The following AGPAT4 variants were observed in gnomAD, a reference collection of about 807,000 sequenced individuals.
AGPAT4 encodes the protein 1-acylglycerol-3-phosphate O-acyltransferase 4.
AGPAT4 carries 15 observed loss-of-function variants against 48.0 expected under a neutral mutation model. The observed-to-expected ratio is 0.31, with a 90% CI of 0.21 to 0.48. The LOEUF is 0.48. AGPAT4 is among the 20% of genes least tolerant of loss of function. The pLI is 0.99. For synonymous variants in AGPAT4, 178 were observed against 198.7 expected (o/e 0.90, Z 0.88); for missense variants, 314 against 482.5 (o/e 0.65, Z 3.27).
In AGPAT4 at chr6:161,137,016, T is replaced by TAAAG. The variant is rs1380691694; in HGVS notation, c.1043-386_1043-383dup. On this transcript the variant is annotated intron_variant, in intron 8 of 8. Coordinates refer to ENST00000320285, the MANE Select transcript of AGPAT4 (RefSeq NM_020133.3). The surrounding 1 kb of genome is among the most constrained non-coding windows in gnomAD (Gnocchi z 6.1). ...ACAGGGCATGTTCAGCGAAGTTTTATAAAGAACAGACCAGGAGCCTGGAAG... is the reference window on the plus strand; with the variant it reads ...ACAGGGCATGTTCAGCGAAGTTTTATAAAGAAAGAACAGACCAGGAGCCTGGAAG... 6.6e-6 allele frequency among the ~76,000 whole-genome samples: 1 copy of TAAAG among 152,198 alleles called. No homozygotes were observed. Among genetic ancestry groups the TAAAG allele is most frequent in the African/African-American group, 2.4e-5 (1 of 41,446 alleles).
intron 1 of AGPAT4, among the ~76,000 whole-genome samples, chr6:161,260,800 GCTCA>G (rs1220026536): frequency 6.6e-6 from 1 of 152,080 alleles, no homozygotes; most frequent in Non-Finnish European, 1.5e-5. Context: ...GAGGCAGGTG[GCTCA>G]CTTGAGCCAG....
Position 161,202,881 on chromosome 6 carries a change from G to A in AGPAT4, c.178+29155C>T, listed in dbSNP as rs1484289104. The stretch of plus-strand genomic sequence containing the variant: ...AGCTGTCTGCCATGGGGAAGCCTGG[G>A]CTATATGGATAGGTTACTCCAGTTG... On this transcript the variant is annotated intron_variant, in intron 2 of 8. Transcript: ENST00000320285. The surrounding 1 kb of genome is among the most constrained non-coding windows in gnomAD (Gnocchi z 5.4). Among the ~76,000 whole-genome samples, 2 of 152,294 alleles carry A rather than the reference G, an allele frequency of 1.3e-5. No individual in the cohort carries two copies. Among genetic ancestry groups the A allele is most frequent in the Admixed American group, 1.3e-4 (2 of 15,302 alleles).
In AGPAT4 at chr6:161,244,142, CTG is replaced by C. The variant is rs1782581071; in HGVS notation, c.-89-11842_-89-11841del. On this transcript the variant is annotated intron_variant, in intron 1 of 8. Transcript: ENST00000320285. This position sits in a 1 kb window ranked among gnomAD's most constrained non-coding sequence, Gnocchi z 4.7. ...TCACTTTGGTGCTCTCTGAATGTAC[CTG>C]TGTTTTCCTGATCTCAAACAGACAT... 6.6e-6 allele frequency among the ~76,000 whole-genome samples: 1 copy of C among 152,296 alleles called. No individual in the cohort carries two copies. Among genetic ancestry groups the C allele is most frequent in the South Asian group, 2.1e-4 (1 of 4,820 alleles).
chr6:161,269,113 C>T (rs936849613), intron 1 of AGPAT4, among the ~76,000 whole-genome samples: 1 of 152,108 alleles, frequency 6.6e-6, no homozygotes, highest in African/African-American at 2.4e-5. Flanking sequence ...AAATGCTATA[C>T]TTTGAGTCGA....
chr6:161,152,622 G>A (rs1298848823), intron 5 of AGPAT4, among the ~76,000 whole-genome samples: 2 of 152,160 alleles, frequency 1.3e-5, no homozygotes, highest in Admixed American at 1.3e-4. Flanking sequence ...GAGACAAGAG[G>A]ATAAGGCCGA....
At position 161,232,300 on chromosome 6, in the gene AGPAT4, C is replaced by T; in HGVS notation, c.-87G>A. ...AAGAAAGATCCAGGACTCAGGAAGG[C>T]GTCTAAAACACAAACAAATAGGAAA... On this transcript the variant is annotated splice_region_variant and 5_prime_UTR_variant, in exon 2 of 9. Coordinates refer to ENST00000320285, the MANE Select transcript of AGPAT4 (RefSeq NM_020133.3). The surrounding 1 kb of genome is among the most constrained non-coding windows in gnomAD (Gnocchi z 6.8). 7 of 1,282,560 alleles carry T rather than the reference C, an allele frequency of 5.5e-6. No homozygotes were observed. Among genetic ancestry groups the T allele is most frequent in the Non-Finnish European group, 7.4e-6 (7 of 944,500 alleles). The allele number at this position is 1,282,560 out of a possible 1,614,324, so 79.4% of individuals were successfully genotyped here.
rs1019003703 is a variant in AGPAT4, at chr6:161,236,476, G to A, written c.-89-4174C>T. Among the ~76,000 whole-genome samples, 3 of 152,078 alleles carry A rather than the reference G, an allele frequency of 2.0e-5. No individual in the cohort carries two copies. The highest frequency in any genetic ancestry group is 7.2e-5 in the African/African-American group (3 of 41,404). On this transcript the variant is annotated intron_variant, in intron 1 of 8. Coordinates refer to ENST00000320285, the MANE Select transcript of AGPAT4 (RefSeq NM_020133.3). This position sits in a 1 kb window ranked among gnomAD's most constrained non-coding sequence, Gnocchi z 5.0. ...CCCCATGACCTTGAGACACCCTAGGGATGGGAGTGCAGGAGGCCAAATTCT... is the reference window on the plus strand; with the variant it reads ...CCCCATGACCTTGAGACACCCTAGGAATGGGAGTGCAGGAGGCCAAATTCT...
Position 161,219,892 on chromosome 6 carries a change from CA to C in AGPAT4, c.178+12143del, listed in dbSNP as rs1257481285. On this transcript the variant is annotated intron_variant, in intron 2 of 8. Transcript: ENST00000320285. This position sits in a 1 kb window ranked among gnomAD's most constrained non-coding sequence, Gnocchi z 4.9. Reference sequence around the variant, plus strand: ...ATAGATAGGCAGGCAGGCAGGCAGGCAGGCAGGCAGGCAGGCAGGCAGGCGG... The same window carrying C: ...ATAGATAGGCAGGCAGGCAGGCAGGCGGCAGGCAGGCAGGCAGGCAGGCGG... Among the ~76,000 whole-genome samples the C allele has an allele frequency of 1.4e-3, 188 of 135,468 alleles. 1 individual carries two copies. Among genetic ancestry groups the C allele is most frequent in the African/African-American group, 5.9e-3 (184 of 31,438 alleles). 88.9% of individuals were successfully genotyped at this position (135,468 alleles called of 152,430 possible). A position where few individuals can be genotyped will look rare whatever the true frequency, so the allele number is the denominator to read the frequency against.
rs1015735318 is a variant in AGPAT4, at chr6:161,169,547, C to T, written c.179-3130G>A. 1.7e-4 allele frequency among the ~76,000 whole-genome samples: 26 copies of T among 152,050 alleles called. No individual in the cohort carries two copies. The highest frequency in any genetic ancestry group is 1.3e-4 in the Admixed American group (2 of 15,266). ...AGTGGCCCAATCATACATAGCTCACCGCAGCCTCAACCTCCTGGGTTCAAG... is the reference window on the plus strand; with the variant it reads ...AGTGGCCCAATCATACATAGCTCACTGCAGCCTCAACCTCCTGGGTTCAAG... On this transcript the variant is annotated intron_variant, in intron 2 of 8. Coordinates refer to ENST00000320285, the MANE Select transcript of AGPAT4 (RefSeq NM_020133.3). This position sits in a 1 kb window ranked among gnomAD's most constrained non-coding sequence, Gnocchi z 5.0.
At chr6:161,175,294 G>T (rs891312175) in intron 2 of AGPAT4, among the ~76,000 whole-genome samples, 2 of 152,040 alleles carry the variant, frequency 1.3e-5, no homozygotes, top group African/African-American at 4.8e-5. Flanking sequence ...TTTTTTGGTT[G>T]GTAGGCTATT....
At chr6:161,187,751 C>A (rs995861670) in intron 2 of AGPAT4, among the ~76,000 whole-genome samples, 1 of 152,086 alleles carries the variant, frequency 6.6e-6, no homozygotes, top group Non-Finnish European at 1.5e-5. Flanking sequence ...ACCATGTTGG[C>A]CAGCCTGGTC....
Position 161,144,699 on chromosome 6 carries a change from C to G in AGPAT4, c.843+1825G>C, listed in dbSNP as rs183869109. Among the ~76,000 whole-genome samples the G allele has an allele frequency of 4.5e-3, 683 of 152,282 alleles. 4 individuals carry two copies. The highest frequency in any genetic ancestry group is 5.1e-3 in the Non-Finnish European group (346 of 68,018). ...TTTCGGCTAAAAGTAACATTTTCGG[C>G]TGGGCACGGTGGCTCACGCCTGTAA... On this transcript the variant is annotated intron_variant, in intron 7 of 8. Coordinates refer to ENST00000320285, the MANE Select transcript of AGPAT4 (RefSeq NM_020133.3). This position sits in a 1 kb window ranked among gnomAD's most constrained non-coding sequence, Gnocchi z 6.6.
chr6:161,202,567 G>T lies in AGPAT4; in HGVS notation c.178+29469C>A, dbSNP rs1781264779. 1.3e-5 allele frequency among the ~76,000 whole-genome samples: 2 copies of T among 152,128 alleles called. No homozygotes were observed. Among genetic ancestry groups the T allele is most frequent in the African/African-American group, 4.8e-5 (2 of 41,420 alleles). On this transcript the variant is annotated intron_variant, in intron 2 of 8. Transcript: ENST00000320285. This position sits in a 1 kb window ranked among gnomAD's most constrained non-coding sequence, Gnocchi z 5.4. ...ACTTTTTTCAGGGAAGACTGTCAAAGACATATTTAAAAATTACCATCTATA... is the reference window on the plus strand; with the variant it reads ...ACTTTTTTCAGGGAAGACTGTCAAATACATATTTAAAAATTACCATCTATA...
At chr6:161,269,821 G>T (rs1421374187) in intron 1 of AGPAT4, among the ~76,000 whole-genome samples, 4 of 152,218 alleles carry the variant, frequency 2.6e-5, no homozygotes, top group African/African-American at 4.8e-5. Flanking sequence ...GGGATTGGGG[G>T]TGGATAGAGG....
At chr6:161,145,986 A>G (rs182014013) in intron 7 of AGPAT4, among the ~76,000 whole-genome samples, 21 of 151,768 alleles carry the variant, frequency 1.4e-4, no homozygotes, top group Middle Eastern at 3.4e-3. Context: ...AAACCAATGA[A>G]AGCAAAGGCC....
intron 1 of AGPAT4, among the ~76,000 whole-genome samples, chr6:161,250,523 T>G (rs1380644058): frequency 6.6e-6 from 1 of 152,170 alleles, no homozygotes; most frequent in Non-Finnish European, 1.5e-5. Context: ...ATATTTAGGC[T>G]TCTTTGTGTT....
At chr6:161,150,739 G>A (rs1033345578) in intron 5 of AGPAT4, among the ~76,000 whole-genome samples, 2 of 152,168 alleles carry the variant, frequency 1.3e-5, no homozygotes, top group Non-Finnish European at 2.9e-5. Flanking sequence ...GCCTGGTCAG[G>A]GTGGCTGGGA....
chr6:161,203,385 T>C (rs1430414918), intron 2 of AGPAT4, among the ~76,000 whole-genome samples: 13 of 78,390 alleles, frequency 1.7e-4, no homozygotes, highest in South Asian at 4.6e-4. Flanking sequence ...TTCTTTCTTT[T>C]TTTTTTTTTT....
rs1212072459 is a variant in AGPAT4 at position 161,218,315 on chromosome 6, G to A, written c.178+13721C>T. 1.3e-5 allele frequency among the ~76,000 whole-genome samples: 2 copies of A among 152,140 alleles called. No individual in the cohort carries two copies. The highest frequency in any genetic ancestry group is 2.9e-5 in the Non-Finnish European group (2 of 68,018). On this transcript the variant is annotated intron_variant, in intron 2 of 8. Transcript: ENST00000320285. This position sits in a 1 kb window ranked among gnomAD's most constrained non-coding sequence, Gnocchi z 4.7. ...TGCAAATATTCCCACAAATGTCAGT[G>A]CCAAGCTATCTATATGAAATCAATG...
Sources: gnomAD v4.1 joint callset for allele counts (sites outside exome capture counted in the v4.1 genomes callset) on GRCh38, gnomAD v4.1.1 for gene constraint, Gnocchi (gnomAD v3.1) non-coding constraint, MANE v1.5 for transcripts, NCBI Gene and HGNC (gene_info 2026-07-23, HGNC 2026-07-21) for gene names.